The following FRYL variants were observed in gnomAD, a reference collection of about 807,000 sequenced individuals.
FRYL encodes the protein protein furry homolog-like.
FRYL carries 150 observed loss-of-function variants against 351.2 expected under a neutral mutation model. The observed-to-expected ratio is 0.43, with a 90% CI of 0.37 to 0.49. The LOEUF is 0.49. Ranked by LOEUF, FRYL falls within the 20% of genes least tolerant of loss-of-function variation. FRYL has a pLI of 0.00. For synonymous variants in FRYL, 1,153 were observed against 1,257.1 expected (o/e 0.92, Z 1.75); for missense variants, 3,036 against 3,619.3 (o/e 0.84, Z 4.13).
chr4:48,506,229 C>T (rs1345208237), intron 59 of FRYL: 1 of 151,810 alleles, frequency 6.6e-6, no homozygotes, highest in South Asian at 2.1e-4. Context: ...TGGGGGTATT[C>T]CTAATGTTGA....
intron 54 of FRYL, 48 bp downstream of exon 54, chr4:48,522,853 A>T (rs1725208038): frequency 7.3e-7 from 1 of 1,376,832 alleles, no homozygotes; most frequent in African/African-American, 1.4e-5. Flanking sequence ...TTGGAAGTTA[A>T]GAGGAAAATG....
At chr4:48,670,643 T>C (rs1699547686) in intron 3 of FRYL, among the ~76,000 whole-genome samples, 1 of 152,038 alleles carries the variant, frequency 6.6e-6, no homozygotes, top group Admixed American at 6.6e-5. Context: ...TTCTACTCTA[T>C]CTCCATGAGT....
Position 48,539,234 on chromosome 4 carries a change from GAGA to G in FRYL, c.6393+734_6393+736del, listed in dbSNP as rs764748012. ...GAATAAAAAAAGAATGGAGTAGAGA[GAGA>G]AGATGAAGAGAAAGACTGTTAAGAG... On this transcript the variant is annotated intron_variant, in intron 47 of 63. Coordinates refer to ENST00000358350, the MANE Select transcript of FRYL (RefSeq NM_015030.2). Among the ~76,000 whole-genome samples the G allele has an allele frequency of 6.6e-5, 10 of 152,268 alleles. No individual in the cohort carries two copies. The East Asian group carries it at 1.3e-3, about 21-fold the overall frequency.
Position 48,512,491 on chromosome 4 carries a change from C to G in FRYL, c.8135G>C (p.Arg2712Thr), listed in dbSNP as rs1560514840. Reference sequence around the variant, plus strand: ...CTGAACCTCACTGACCTGAAACAGCCTAGAAAACACATGAAAAGTAAACAC... The same window carrying G: ...CTGAACCTCACTGACCTGAAACAGCGTAGAAAACACATGAAAAGTAAACAC... The part of the protein sequence containing the change: ...SAVFTFHVFS[R>T]LFQTIQRKFG... The change falls in exon 57 of 64, where the codon AGG (arginine) becomes ACG (threonine). Residue 2712 changes from arginine to threonine, a missense_variant. Arg to Thr is a moderately conservative substitution (Grantham distance 71). Around this residue, in one of 7 missense-constraint regions of FRYL, gnomAD observed 1,987 missense variants for 2,311.7 expected, o/e 0.86. Transcript: ENST00000358350. 1.2e-6 allele frequency: 2 copies of G among 1,612,742 alleles called. No individual in the cohort carries two copies. Among genetic ancestry groups the G allele is most frequent in the East Asian group, 4.5e-5 (2 of 44,854 alleles).
At chr4:48,759,707 C>T (rs1774200631) in intron 1 of FRYL, among the ~76,000 whole-genome samples, 1 of 152,130 alleles carries the variant, frequency 6.6e-6, no homozygotes, top group Admixed American at 6.6e-5. Context: ...GCCTCGGCCT[C>T]CCAAAGTGCT....
In FRYL at chr4:48,656,682, C is replaced by G. The variant is rs1304957966; in HGVS notation, c.-80-22192G>C. Among the ~76,000 whole-genome samples, 2 of 126,676 alleles carry G rather than the reference C, an allele frequency of 1.6e-5. 1 individual carries two copies. The highest frequency in any genetic ancestry group is 3.2e-5 in the Non-Finnish European group (2 of 61,590). 83.1% of individuals were successfully genotyped at this position (126,676 alleles called of 152,430 possible). On this transcript the variant is annotated intron_variant, in intron 3 of 63. Coordinates refer to ENST00000358350, the MANE Select transcript of FRYL (RefSeq NM_015030.2). ...ATAATGTGCATGTATGTATATATGA[C>G]TGATACATATATATGCATATATATA...
chr4:48,713,697 C>T (rs1768391239), intron 1 of FRYL, among the ~76,000 whole-genome samples: 1 of 152,120 alleles, frequency 6.6e-6, no homozygotes, highest in Non-Finnish European at 1.5e-5. Context: ...CCACTGTCAA[C>T]ATTAAACAGA....
At chr4:48,742,777 T>C (rs1020388010) in intron 1 of FRYL, among the ~76,000 whole-genome samples, 1 of 152,032 alleles carries the variant, frequency 6.6e-6, no homozygotes, top group East Asian at 1.9e-4. Context: ...GTGATTTTAC[T>C]TGTCCCACCC....
chr4:48,671,860 A>G (rs1762762551), intron 3 of FRYL, among the ~76,000 whole-genome samples: 1 of 121,594 alleles, frequency 8.2e-6, no homozygotes, highest in South Asian at 3.1e-4. Flanking sequence ...CTCAAAAACA[A>G]AAAAAAAAAA....
At chr4:48,556,475 C>T (rs1344805740) in intron 35 of FRYL, among the ~76,000 whole-genome samples, 3 of 152,156 alleles carry the variant, frequency 2.0e-5, no homozygotes, top group Non-Finnish European at 4.4e-5. Flanking sequence ...AAGGACAATC[C>T]TACGTGCACT....
At chr4:48,546,419 C>T in intron 41 of FRYL, 148 bp from the exon 42 acceptor site, 3 of 642,028 alleles carry the variant, frequency 4.7e-6, no homozygotes, top group Non-Finnish European at 8.2e-6. Context: ...TCCTGCTGAT[C>T]CTCATGAACA....
At chr4:48,778,211 T>C (rs1333361842) in intron 1 of FRYL, among the ~76,000 whole-genome samples, 5 of 152,070 alleles carry the variant, frequency 3.3e-5, no homozygotes. Flanking sequence ...TGGCTTCCAA[T>C]TTCCCAAGTA....
chr4:48,701,390 G>C (rs1267481096), intron 2 of FRYL, among the ~76,000 whole-genome samples: 1 of 152,112 alleles, frequency 6.6e-6, no homozygotes, highest in Non-Finnish European at 1.5e-5. Context: ...AATGTATGCA[G>C]TATAGTTACA....
At chr4:48,591,846 C>T (rs1310516557) in intron 16 of FRYL, among the ~76,000 whole-genome samples, 1 of 151,996 alleles carries the variant, frequency 6.6e-6, no homozygotes, top group Admixed American at 6.6e-5. Context: ...TACTTGGATG[C>T]CTCTACCTGG....
chr4:48,522,735 T>A (rs1271532478), intron 54 of FRYL, among the ~76,000 whole-genome samples, 166 bp downstream of exon 54: 1 of 152,182 alleles, frequency 6.6e-6, no homozygotes, highest in African/African-American at 2.4e-5. Context: ...ACCTAATAAG[T>A]TTAGTGCTGT....
intron 13 of FRYL, among the ~76,000 whole-genome samples, chr4:48,599,642 G>A (rs953851948): frequency 1.7e-4 from 26 of 152,130 alleles, no homozygotes; most frequent in Non-Finnish European, 4.4e-5. Flanking sequence ...TGGTGGACTA[G>A]AAGAGCAAGA....
intron 28 of FRYL, 118 bp from the exon 29 acceptor site, chr4:48,565,809 A>T: frequency 1.0e-6 from 1 of 976,604 alleles, no homozygotes; most frequent in Non-Finnish European, 1.5e-6. Flanking sequence ...TTTCATTTTA[A>T]ACTATCAAAA....
intron 19 of FRYL, 148 bp downstream of exon 19, chr4:48,586,473 C>A: frequency 3.8e-5 from 18 of 472,176 alleles, no homozygotes; most frequent in South Asian, 2.1e-4. Context: ...CAAAAAAAGA[C>A]AAAATGGAAG....
At chr4:48,595,505 C>A in intron 15 of FRYL, 85 bp downstream of exon 15, 2 of 641,306 alleles carry the variant, frequency 3.1e-6, no homozygotes, top group Admixed American at 3.3e-5. Flanking sequence ...TTTTTAGATG[C>A]ATAAAAAATT....
Sources: allele counts gnomAD v4.1 joint callset (sites outside exome capture counted in the v4.1 genomes callset), GRCh38; gene constraint gnomAD v4.1.1; regional missense constraint gnomAD v4.1.1; transcripts MANE v1.5; gene names NCBI Gene and HGNC (gene_info 2026-07-23, HGNC 2026-07-21).